AVEN: variants seen among roughly 807,000 people sequenced by gnomAD.
The protein encoded by AVEN is apoptosis and caspase activation inhibitor, also known as cell death regulator Aven.
In AVEN, 41 loss-of-function variants were observed where a neutral mutation model predicts 38.1. That is an observed-to-expected ratio of 1.08 (90% CI 0.84 to 1.40). The LOEUF is 1.40. Ranked by LOEUF, AVEN falls within the 40% of genes most tolerant of loss-of-function variation. The pLI is 0.00. For synonymous variants in AVEN, 206 were observed against 171.8 expected (o/e 1.20, Z -1.56); for missense variants, 605 against 438.8 (o/e 1.38, Z -3.38).
At chr15:33,943,599 G>T (rs569315537) in intron 2 of AVEN, among the ~76,000 whole-genome samples, 25 of 152,282 alleles carry the variant, frequency 1.6e-4, no homozygotes, top group Admixed American at 1.6e-3. Context: ...ACTTTGGAAG[G>T]CCAAGGCGGG....
intron 2 of AVEN, among the ~76,000 whole-genome samples, chr15:33,921,218 CTCCTAGT>C (rs1893383562): frequency 6.6e-6 from 1 of 152,206 alleles, no homozygotes; most frequent in African/African-American, 2.4e-5. Flanking sequence ...ATAGCTCAAG[CTCCTAGT>C]AGATAAAGAT....
intron 4 of AVEN, among the ~76,000 whole-genome samples, chr15:33,869,789 G>C (rs947821818): frequency 1.3e-5 from 2 of 151,442 alleles, no homozygotes; most frequent in African/African-American, 4.9e-5. Context: ...TCAGTTGCTA[G>C]GATTCTACTT....
chr15:33,870,861 CT>C, intron 4 of AVEN, 73 bp downstream of exon 4: 1 of 1,042,196 alleles, frequency 9.6e-7, no homozygotes, highest in South Asian at 1.6e-5. Flanking sequence ...AGACATCCTG[CT>C]GAGGGAAGTG....
intron 2 of AVEN, among the ~76,000 whole-genome samples, chr15:33,914,329 C>T (rs1304301022): frequency 2.0e-5 from 3 of 152,098 alleles, no homozygotes; most frequent in Non-Finnish European, 4.4e-5. Context: ...GTGTGTAGCA[C>T]GTATGCGCAC....
At chr15:34,026,987 TG>T (rs1393310919) in intron 1 of AVEN, among the ~76,000 whole-genome samples, 1 of 145,274 alleles carries the variant, frequency 6.9e-6, no homozygotes, top group Non-Finnish European at 1.5e-5. Flanking sequence ...AGAGTGGCAA[TG>T]GCTGCTTCAA....
chr15:34,019,272 T>A (rs1898102802), intron 1 of AVEN, among the ~76,000 whole-genome samples: 1 of 152,230 alleles, frequency 6.6e-6, no homozygotes, highest in African/African-American at 2.4e-5. Context: ...CTTTTAAAAG[T>A]AGAAAAGTAT....
At chr15:33,860,974 GAAA>G (rs1475078342) in intron 11 of AVEN, 2 of 937,904 alleles carry the variant, frequency 2.1e-6, no homozygotes, top group Non-Finnish European at 3.3e-6. Flanking sequence ...AAAAGCATTA[GAAA>G]GAAAGTTTTC....
chr15:33,860,170 CAT>C (rs890811177), intron 11 of AVEN, among the ~76,000 whole-genome samples: 3 of 152,164 alleles, frequency 2.0e-5, no homozygotes, highest in African/African-American at 7.2e-5. Flanking sequence ...TAGCTTGAGT[CAT>C]GCTGAGTGGA....
At chr15:33,988,664 G>T (rs1176768470) in intron 2 of AVEN, among the ~76,000 whole-genome samples, 1 of 152,204 alleles carries the variant, frequency 6.6e-6, no homozygotes, top group Non-Finnish European at 1.5e-5. Flanking sequence ...TAACCCTTCT[G>T]AGGACACTGG....
intron 5 of AVEN, among the ~76,000 whole-genome samples, chr15:34,060,968 A>G (rs1206029348): frequency 6.6e-6 from 1 of 151,728 alleles, no homozygotes; most frequent in Non-Finnish European, 1.5e-5. Context: ...GTGAGCCGAG[A>G]TAGCGCCACT....
chr15:33,918,458 C>CTTTTTTTTTTTTTTT lies in AVEN; in HGVS notation c.446-42478_446-42464dup, dbSNP rs33928063. On this transcript the variant is annotated intron_variant, in intron 2 of 5. Transcript: ENST00000306730. ...GTGTCTTCCCAGTCTTAAATTACAG[C>CTTTTTTTTTTTTTTT]TTTTTTTTTTTTTTTTTTTTTTTTT... 7.1e-5 allele frequency among the ~76,000 whole-genome samples: 6 copies of CTTTTTTTTTTTTTTT among 84,506 alleles called. 1 individual carries two copies. Among genetic ancestry groups the CTTTTTTTTTTTTTTT allele is most frequent in the African/African-American group, 2.5e-4 (5 of 20,246 alleles). 55.4% of individuals were successfully genotyped at this position (84,506 alleles called of 152,430 possible). A position where few individuals can be genotyped will look rare whatever the true frequency, so the allele number is the denominator to read the frequency against.
intron 2 of AVEN, among the ~76,000 whole-genome samples, chr15:34,069,841 T>C (rs1461795968): frequency 1.3e-5 from 2 of 152,234 alleles, no homozygotes; most frequent in Admixed American, 6.5e-5. Flanking sequence ...CATAACTGTT[T>C]ATTTAATTTC....
chr15:34,024,425 A>T (rs1353181240), intron 1 of AVEN, among the ~76,000 whole-genome samples: 11 of 149,456 alleles, frequency 7.4e-5, no homozygotes, highest in Admixed American at 4.7e-4. Context: ...CAAGGCCAAG[A>T]CTGCACCACT....
At chr15:33,987,810 C>T (rs946116963) in intron 2 of AVEN, among the ~76,000 whole-genome samples, 1 of 152,190 alleles carries the variant, frequency 6.6e-6, no homozygotes, top group African/African-American at 2.4e-5. Flanking sequence ...GCGCTGCATG[C>T]AGAAGCTGCC....
rs185320815 is a variant in AVEN, at chr15:33,872,517, G to C, written c.517-1487C>G. Reference sequence around the variant, plus strand: ...AGCTTTTTAAGATACAGGTTCACAGGCCTCACCCACAGAACTGAACTCTCT... The same window carrying C: ...AGCTTTTTAAGATACAGGTTCACAGCCCTCACCCACAGAACTGAACTCTCT... On this transcript the variant is annotated intron_variant, in intron 3 of 5. Coordinates refer to ENST00000306730, the MANE Select transcript of AVEN (RefSeq NM_020371.3). Among the ~76,000 whole-genome samples, 52 of 152,176 alleles carry C rather than the reference G, an allele frequency of 3.4e-4. No individual in the cohort carries two copies. In the East Asian group the frequency reaches 8.1e-3, roughly 24 times the overall value.
chr15:34,043,826 GA>G (rs915584164), upstream of AVEN, among the ~76,000 whole-genome samples: 1 of 152,118 alleles, frequency 6.6e-6, no homozygotes. Flanking sequence ...AACCAGAAAA[GA>G]ATTTCCAGTG....
chr15:33,860,614 C>A, intron 11 of AVEN: 1 of 1,590,414 alleles, frequency 6.3e-7, no homozygotes, highest in South Asian at 1.2e-5. Flanking sequence ...TTGATGCTTT[C>A]GGAGAGCTAA....
At chr15:33,910,362 A>G (rs1293213035) in intron 2 of AVEN, among the ~76,000 whole-genome samples, 1 of 152,182 alleles carries the variant, frequency 6.6e-6, no homozygotes, top group African/African-American at 2.4e-5. Flanking sequence ...GAAAAAAGGG[A>G]AACAAAAATA....
chr15:34,003,755 G>A lies in AVEN; in HGVS notation c.268-546C>T, dbSNP rs76335269. ...GTGAAATGGAGTGTGAATTTACATG[G>A]TACTACATTTATACATAAGATTCCA... On this transcript the variant is annotated intron_variant, in intron 1 of 5. Coordinates refer to ENST00000306730, the MANE Select transcript of AVEN (RefSeq NM_020371.3). Among the ~76,000 whole-genome samples, 65 of 152,210 alleles carry A rather than the reference G, an allele frequency of 4.3e-4. No individual in the cohort carries two copies. In the East Asian group the frequency reaches 0.011, roughly 27 times the overall value.
Sources: gnomAD v4.1 joint callset for allele counts (sites outside exome capture counted in the v4.1 genomes callset) on GRCh38, gnomAD v4.1.1 for gene constraint, MANE v1.5 for transcripts, NCBI Gene and HGNC (gene_info 2026-07-23, HGNC 2026-07-21) for gene names.